PCDHA5: variants seen among roughly 807,000 people sequenced by gnomAD.
PCDHA5 encodes protocadherin alpha-5.
PCDHA5 carries 43 observed loss-of-function variants against 61.6 expected under a neutral mutation model. That is an observed-to-expected ratio of 0.70 (90% CI 0.55 to 0.90). PCDHA5 has a LOEUF of 0.90. Among genes scored for constraint, PCDHA5 ranks in the 40% least tolerant of loss-of-function variants. The probability of loss-of-function intolerance (pLI) is 0.00; values close to 1 mark genes in which losing one functional copy is unlikely to be tolerated. For missense variants in PCDHA5, 1,298 were observed against 1,222.7 expected, an observed-to-expected ratio of 1.06 and a Z score of -0.92; for synonymous variants, 627 against 543.9, an observed-to-expected ratio of 1.15 and a Z score of -2.13.
At chr5:140,927,183 C>G (rs1554204140) in intron 1 of PCDHA5, 2 of 1,614,042 alleles carry the variant, frequency 1.2e-6, no homozygotes, top group African/African-American at 2.7e-5. Flanking sequence ...TCTTGACCTA[C>G]GACCTGGTGC....
chr5:140,872,442 C>T (rs1443444144), intron 1 of PCDHA5, among the ~76,000 whole-genome samples: 1 of 152,070 alleles, frequency 6.6e-6, no homozygotes, highest in Non-Finnish European at 1.5e-5. Context: ...GCCTGGACAA[C>T]ATAGCGAGAT....
chr5:140,877,150 G>A (rs370292278), intron 1 of PCDHA5: 11 of 1,613,672 alleles, frequency 6.8e-6, no homozygotes, highest in Admixed American at 3.3e-5. Context: ...GGACGAGAAC[G>A]ACAACGCGCC....
chr5:140,990,055 C>T (rs1563562429), intron 3 of PCDHA5, among the ~76,000 whole-genome samples: 2 of 151,866 alleles, frequency 1.3e-5, no homozygotes, highest in Non-Finnish European at 1.5e-5. Context: ...GATGGTAATA[C>T]TTAAAGGAAA....
intron 1 of PCDHA5, chr5:140,852,112 T>C: frequency 1.1e-6 from 1 of 910,156 alleles, no homozygotes; most frequent in Non-Finnish European, 1.3e-6. Flanking sequence ...TTACAAGGTA[T>C]GACCTAATTA....
intron 1 of PCDHA5, chr5:140,969,483 G>C (rs531496681): frequency 1.4e-6 from 2 of 1,462,372 alleles, no homozygotes; most frequent in African/African-American, 1.4e-5. Context: ...ATCATAATCT[G>C]CTATTTCCTC....
rs547096956 is a variant in PCDHA5, at chr5:140,967,167, T to C, written c.2353-11782T>C. 6.2e-6 allele frequency: 10 copies of C among 1,611,120 alleles called. No homozygotes were observed. In the Admixed American group the frequency reaches 8.3e-5, roughly 13 times the overall value. ...CACAACCCCGTGGCGGTGAGCGCCG[T>C]TGAGGTGGAAATATTGGACATCAAC... is the stretch of plus-strand genomic sequence containing the variant. On this transcript the variant is annotated intron_variant, in intron 1 of 3. Transcript: ENST00000529859.
chr5:140,929,681 A>C, intron 1 of PCDHA5: 1 of 302,408 alleles, frequency 3.3e-6, no homozygotes. Flanking sequence ...AAAAATATGT[A>C]AGAGTCTGCT....
In PCDHA5 at chr5:140,984,898, A is replaced by G. The variant is rs551340383; in HGVS notation, c.2500+2335A>G. ...GTTACCATGAGAACTAAAGGAGAAA[A>G]AAAGAACTGAGCATAGTGCTTGACA... On this transcript the variant is annotated intron_variant, in intron 3 of 3. Transcript: ENST00000529859. Among the ~76,000 whole-genome samples, 21 of 152,282 alleles carry G rather than the reference A, an allele frequency of 1.4e-4. No individual in the cohort carries two copies. The South Asian group carries it at 4.4e-3, about 32-fold the overall frequency.
Position 140,942,913 on chromosome 5 carries a change from GA to G in PCDHA5, c.2353-36026del, listed in dbSNP as rs58669311. Among the ~76,000 whole-genome samples the G allele has an allele frequency of 2.0e-3, 305 of 148,960 alleles. 3 individuals carry two copies. The highest frequency in any genetic ancestry group is 6.9e-3 in the African/African-American group (281 of 40,624). ...ATTTATCTCTAAGAATAAGCGTGAA[GA>G]AAAAAAAAATTGAAAAAGAGTTTAA... On this transcript the variant is annotated intron_variant, in intron 1 of 3. Coordinates refer to ENST00000529859, the MANE Select transcript of PCDHA5 (RefSeq NM_018908.3).
At chr5:140,837,816 A>G (rs1775270589) in intron 1 of PCDHA5, among the ~76,000 whole-genome samples, 1 of 151,680 alleles carries the variant, frequency 6.6e-6, no homozygotes, top group Non-Finnish European at 1.5e-5. Flanking sequence ...AGCTGGGAAT[A>G]CAGTTTGCAT....
chr5:140,992,676 G>A (rs2097524186), intron 3 of PCDHA5, among the ~76,000 whole-genome samples: 1 of 152,146 alleles, frequency 6.6e-6, no homozygotes, highest in African/African-American at 2.4e-5. Flanking sequence ...GTATGTGTGT[G>A]TTAGGGGTTG....
At chr5:140,883,792 G>C (rs1050179503) in intron 1 of PCDHA5, 7 of 1,612,560 alleles carry the variant, frequency 4.3e-6, no homozygotes, top group African/African-American at 1.3e-5. Flanking sequence ...CGAGCTACGT[G>C]TCGGTGCACG....
chr5:140,928,657 G>A (rs781811102), intron 1 of PCDHA5: 11 of 1,614,102 alleles, frequency 6.8e-6, no homozygotes, highest in Non-Finnish European at 9.3e-6. Context: ...AGAGGATGCT[G>A]ACAGTGGTTC....
intron 1 of PCDHA5, chr5:140,850,726 CG>C: frequency 6.3e-7 from 1 of 1,597,804 alleles, no homozygotes; most frequent in Non-Finnish European, 8.6e-7. Context: ...TGTTCTAGCG[CG>C]GTGGGGAGTT....
intron 1 of PCDHA5, chr5:140,868,273 C>A (rs1311976993): frequency 6.6e-6 from 1 of 151,892 alleles, no homozygotes; most frequent in Non-Finnish European, 1.5e-5. Flanking sequence ...TTTTTTAAAA[C>A]TACCAAGTTT....
At position 140,870,848 on chromosome 5, in the gene PCDHA5, G is replaced by C. The variant is rs368769297; in HGVS notation, c.2352+46721G>C. The C allele has an allele frequency of 2.2e-5, 35 of 1,613,876 alleles. No homozygotes were observed. In the African/African-American group the frequency reaches 3.3e-4, roughly 15 times the overall value. ...GGCGCAGTTAACAAGCTAGTACCGCGGTCGGTGGGTGCGGGCCACGTGGTG... is the reference window on the plus strand; with the variant it reads ...GGCGCAGTTAACAAGCTAGTACCGCCGTCGGTGGGTGCGGGCCACGTGGTG... On this transcript the variant is annotated intron_variant, in intron 1 of 3. Transcript: ENST00000529859.
Position 140,928,772 on chromosome 5 carries a change from C to T in PCDHA5, c.2353-50177C>T, listed in dbSNP as rs1554206297. The stretch of plus-strand genomic sequence containing the variant: ...CGTACTGCTCGCTTAGTTCTTCCCA[C>T]TGATGCAGTTAAGCAGAGGGTGGTG... On this transcript the variant is annotated intron_variant, in intron 1 of 3. Coordinates refer to ENST00000529859, the MANE Select transcript of PCDHA5 (RefSeq NM_018908.3). The T allele has an allele frequency of 2.5e-6, 4 of 1,614,054 alleles. No individual in the cohort carries two copies. The East Asian group carries it at 6.7e-5, about 27-fold the overall frequency.
At chr5:140,854,958 C>T (rs1554147522) in intron 1 of PCDHA5, among the ~76,000 whole-genome samples, 2 of 149,742 alleles carry the variant, frequency 1.3e-5, no homozygotes, top group African/African-American at 2.4e-5. Context: ...TTCTTAATTA[C>T]TTTATTCAGA....
In PCDHA5 at chr5:140,884,002, C is replaced by G. The variant is rs1189374158; in HGVS notation, c.2352+59875C>G. 26 of 1,612,788 alleles carry G rather than the reference C, an allele frequency of 1.6e-5. No individual in the cohort carries two copies. Among genetic ancestry groups the G allele is most frequent in the Non-Finnish European group, 2.2e-5 (26 of 1,179,570 alleles). Reference sequence around the variant, plus strand: ...CTGGCAGCGCGGGAGGCACAGTGAGCGAGCTGATGCCGCGGTCGGTGGGTG... The same window carrying G: ...CTGGCAGCGCGGGAGGCACAGTGAGGGAGCTGATGCCGCGGTCGGTGGGTG... On this transcript the variant is annotated intron_variant, in intron 1 of 3. Coordinates refer to ENST00000529859, the MANE Select transcript of PCDHA5 (RefSeq NM_018908.3).
Sources: allele counts gnomAD v4.1 joint callset (sites outside exome capture counted in the v4.1 genomes callset), GRCh38; gene constraint gnomAD v4.1.1; transcripts MANE v1.5; gene names NCBI Gene and HGNC (gene_info 2026-07-23, HGNC 2026-07-21).